The following ADAMTS14 variants were observed in gnomAD, a reference collection of about 807,000 sequenced individuals.
The protein encoded by ADAMTS14 is ADAM metallopeptidase with thrombospondin type 1 motif 14.
Under a neutral mutation model 128.6 loss-of-function variants are expected in ADAMTS14, and 100 were observed. The observed-to-expected ratio is 0.78, with a 90% CI of 0.66 to 0.92. The LOEUF (loss-of-function observed/expected upper bound fraction) is 0.92. ADAMTS14 is among the 40% of genes least tolerant of loss of function. The pLI is 0.00. For missense variants in ADAMTS14, 1,562 were observed against 1,658.6 expected (o/e 0.94, Z 1.01); for synonymous variants, 665 against 653.8 (o/e 1.02, Z -0.26).
At chr10:70,732,759 A>T (rs1841688257) in intron 7 of ADAMTS14, among the ~76,000 whole-genome samples, 1 of 152,152 alleles carries the variant, frequency 6.6e-6, no homozygotes, top group African/African-American at 2.4e-5. Context: ...GACTTGATCC[A>T]GCCCACCCTG....
intron 4 of ADAMTS14, among the ~76,000 whole-genome samples, chr10:70,723,849 G>A (rs78265426): frequency 0.033 from 5,088 of 152,298 alleles, 325 homozygotes; most frequent in African/African-American, 0.12. Context: ...CCCTGCCACA[G>A]AAACTGGTTC....
intron 4 of ADAMTS14, among the ~76,000 whole-genome samples, chr10:70,723,231 G>A (rs970775791): frequency 1.3e-5 from 2 of 152,152 alleles, no homozygotes; most frequent in African/African-American, 4.8e-5. Flanking sequence ...ATGACTCAGT[G>A]CTGGTCATCA....
Position 70,752,279 on chromosome 10 carries a change from C to T in ADAMTS14, c.2729+52C>T, listed in dbSNP as rs373213909. On this transcript the variant is annotated intron_variant, in intron 18 of 21. Coordinates refer to ENST00000373207, the MANE Select transcript of ADAMTS14 (RefSeq NM_080722.4). ...AGTCTGGTTCTATGCCTAGCCCGGG[C>T]CCCAGGCAGCGGGGCTGCTGAGCCT... 3.0e-5 allele frequency: 48 copies of T among 1,596,396 alleles called. No individual in the cohort carries two copies. In the African/African-American group the frequency reaches 6.2e-4, roughly 20 times the overall value.
intron 4 of ADAMTS14, among the ~76,000 whole-genome samples, chr10:70,710,823 T>C (rs1397709127): frequency 6.6e-6 from 1 of 152,200 alleles, no homozygotes; most frequent in Non-Finnish European, 1.5e-5. Context: ...GTGATAATAA[T>C]GTGACCTTCG....
intron 16 of ADAMTS14, among the ~76,000 whole-genome samples, chr10:70,750,470 C>A (rs1265076144): frequency 6.6e-6 from 1 of 152,172 alleles, no homozygotes; most frequent in Admixed American, 6.5e-5. Flanking sequence ...TGGGCCAGGG[C>A]TTGTGGAATA....
intron 2 of ADAMTS14, among the ~76,000 whole-genome samples, chr10:70,702,000 A>G (rs1045716075): frequency 6.6e-6 from 1 of 152,128 alleles, no homozygotes; most frequent in African/African-American, 2.4e-5. Flanking sequence ...TCTGCTTTTT[A>G]TAAGCAATGG....
chr10:70,707,417 T>C (rs768731668), intron 3 of ADAMTS14, among the ~76,000 whole-genome samples: 3 of 152,170 alleles, frequency 2.0e-5, no homozygotes, highest in Non-Finnish European at 4.4e-5. Flanking sequence ...CAGAGTGAGA[T>C]GGAGGGAAAG....
At chr10:70,703,509 G>A (rs1300668831) in intron 3 of ADAMTS14, among the ~76,000 whole-genome samples, 1 of 152,190 alleles carries the variant, frequency 6.6e-6, no homozygotes, top group Non-Finnish European at 1.5e-5. Flanking sequence ...GAGCCAGAGG[G>A]TTCTGCAGGC....
intron 2 of ADAMTS14, among the ~76,000 whole-genome samples, chr10:70,701,039 G>A (rs533703377): frequency 1.3e-5 from 2 of 152,338 alleles, no homozygotes; most frequent in Non-Finnish European, 2.9e-5. Flanking sequence ...GATTGGGCCT[G>A]TTTATGAAGC....
chr10:70,708,842 C>CGG, intron 4 of ADAMTS14, 64 bp downstream of exon 4: 48 of 1,277,204 alleles, frequency 3.8e-5, no homozygotes, highest in Middle Eastern at 2.1e-4. Context: ...CCCCACCCCA[C>CGG]TGGGCCCCAG....
In ADAMTS14 at chr10:70,719,079, G is replaced by A. The variant is rs192099356; in HGVS notation, c.871-10215G>A. On this transcript the variant is annotated intron_variant, in intron 4 of 21. Transcript: ENST00000373207. ...CAGCTAGAGGGGATGGGGTGCTACC[G>A]GCATCTAGTTGGTAGAGGCCAGGGA... Among the ~76,000 whole-genome samples the A allele has an allele frequency of 9.9e-5, 15 of 152,044 alleles. No individual in the cohort carries two copies. In the South Asian group the frequency reaches 1.9e-3, roughly 19 times the overall value.
chr10:70,698,171 A>G (rs1490123465), intron 2 of ADAMTS14, among the ~76,000 whole-genome samples: 1 of 152,240 alleles, frequency 6.6e-6, no homozygotes, highest in African/African-American at 2.4e-5. Context: ...AAAGAATAAG[A>G]TATAGTTGGA....
intron 19 of ADAMTS14, among the ~76,000 whole-genome samples, chr10:70,755,239 C>T (rs1206120049): frequency 6.7e-6 from 1 of 148,962 alleles, no homozygotes; most frequent in Admixed American, 6.8e-5. Flanking sequence ...CCCACGAGGT[C>T]AAGGCTCCAG....
At chr10:70,742,361 G>T (rs185523959) in intron 12 of ADAMTS14, among the ~76,000 whole-genome samples, 2,442 of 148,968 alleles carry the variant, frequency 0.016, 33 homozygotes, top group South Asian at 0.052. Flanking sequence ...GGCTTCCGTT[G>T]CTGCCTAGAG....
chr10:70,673,042 G>T (rs1371413333), intron 1 of ADAMTS14, among the ~76,000 whole-genome samples, 158 bp downstream of exon 1: 4 of 152,160 alleles, frequency 2.6e-5, no homozygotes, highest in African/African-American at 7.2e-5. Context: ...ACTGTGCCAC[G>T]GCACTGTCCC....
intron 15 of ADAMTS14, among the ~76,000 whole-genome samples, chr10:70,747,411 A>G (rs1158426013): frequency 6.7e-6 from 1 of 148,162 alleles, no homozygotes; most frequent in Non-Finnish European, 1.5e-5. Context: ...GTTAGAGGAC[A>G]TTGGTTCAGG....
chr10:70,699,519 C>T (rs1263877043), intron 2 of ADAMTS14, among the ~76,000 whole-genome samples: 1 of 152,102 alleles, frequency 6.6e-6, no homozygotes, highest in Non-Finnish European at 1.5e-5. Context: ...CTAGAGGTCT[C>T]CTAACTGGGG....
chr10:70,714,832 G>C lies in ADAMTS14; in HGVS notation c.870+6054G>C, dbSNP rs1442081952. Among the ~76,000 whole-genome samples the C allele has an allele frequency of 2.0e-5, 3 of 151,800 alleles. No homozygotes were observed. The East Asian group carries it at 5.8e-4, about 30-fold the overall frequency. The stretch of plus-strand genomic sequence containing the variant: ...GTGTGGTGGTGCGCCTGTAGTTCCA[G>C]CTGCTCGGGAGGCTGAGGCAGGAGA... On this transcript the variant is annotated intron_variant, in intron 4 of 21. Coordinates refer to ENST00000373207, the MANE Select transcript of ADAMTS14 (RefSeq NM_080722.4).
chr10:70,708,668 G>A lies in ADAMTS14; in HGVS notation c.760G>A (p.Ala254Thr). Residue 254 changes from alanine to threonine, a missense_variant, in exon 4 of 22, where the codon GCC becomes ACC. Coordinates refer to ENST00000373207, the MANE Select transcript of ADAMTS14 (RefSeq NM_080722.4). The stretch of plus-strand genomic sequence containing the variant: ...CGACACAGAGCGGAAGCGGCGGCAT[G>A]CCAAGCCAGGCAGCTACAGCATCGA... Reference protein sequence around the residue: ...LGDTERKRRHAKPGSYSIEVL... With the variant: ...LGDTERKRRHTKPGSYSIEVL... 1.9e-6 allele frequency: 3 copies of A among 1,613,742 alleles called. No homozygotes were observed. Among genetic ancestry groups the A allele is most frequent in the Non-Finnish European group, 1.7e-6 (2 of 1,179,902 alleles).
Sources: gnomAD v4.1 joint callset for allele counts (sites outside exome capture counted in the v4.1 genomes callset) on GRCh38, gnomAD v4.1.1 for gene constraint, MANE v1.5 for transcripts, NCBI Gene and HGNC (gene_info 2026-07-23, HGNC 2026-07-21) for gene names.